The following MCPH1 variants were observed in gnomAD, a reference collection of about 807,000 sequenced individuals.
MCPH1 encodes microcephalin.
A neutral mutation model predicts 84.5 loss-of-function variants in MCPH1; 104 were observed. The ratio of observed to expected loss-of-function variants is 1.23; its 90% CI spans 1.05 to 1.45. MCPH1 has a LOEUF of 1.45. Ranked by LOEUF, MCPH1 falls within the 40% of genes most tolerant of loss-of-function variation. The pLI is 0.00. For synonymous variants in MCPH1, 514 were observed against 366.8 expected (o/e 1.40, Z -4.58); for missense variants, 1,498 against 1,005.7 (o/e 1.49, Z -6.62).
At chr8:6,517,366 A>T (rs1387655037) in intron 12 of MCPH1, among the ~76,000 whole-genome samples, 1 of 152,234 alleles carries the variant, frequency 6.6e-6, no homozygotes, top group African/African-American at 2.4e-5. Flanking sequence ...CAAACCATAG[A>T]GACAACCGTT....
At chr8:6,552,887 C>T (rs1823904951) in intron 12 of MCPH1, among the ~76,000 whole-genome samples, 1 of 151,892 alleles carries the variant, frequency 6.6e-6, no homozygotes, top group Admixed American at 6.6e-5. Flanking sequence ...ATGATTCCAA[C>T]TGTATGACAT....
chr8:6,430,753 C>T (rs1801725419), intron 3 of MCPH1, among the ~76,000 whole-genome samples: 1 of 152,084 alleles, frequency 6.6e-6, no homozygotes, highest in Non-Finnish European at 1.5e-5. Context: ...ATGCTCTAAA[C>T]ATGGGAGTGA....
intron 5 of MCPH1, among the ~76,000 whole-genome samples, chr8:6,437,835 C>A (rs138346914): frequency 2.6e-5 from 4 of 152,290 alleles, no homozygotes; most frequent in Admixed American, 6.5e-5. Flanking sequence ...TCCTTCCCTC[C>A]TCTCTCCCCT....
chr8:6,411,742 A>G (rs1798565257), intron 2 of MCPH1, among the ~76,000 whole-genome samples: 1 of 152,146 alleles, frequency 6.6e-6, no homozygotes, highest in South Asian at 2.1e-4. Context: ...ATAAAACTTC[A>G]TTGTATATGT....
At chr8:6,598,339 AG>A (rs1829084235) in intron 12 of MCPH1, among the ~76,000 whole-genome samples, 1 of 152,016 alleles carries the variant, frequency 6.6e-6, no homozygotes, top group Admixed American at 6.5e-5. Flanking sequence ...TCATGCAGGG[AG>A]GGGAGGGATT....
intron 12 of MCPH1, chr8:6,508,834 T>C (rs1423522421): frequency 6.6e-7 from 1 of 1,525,586 alleles, no homozygotes; most frequent in Admixed American, 1.7e-5. Flanking sequence ...ATTGTGGACA[T>C]CGTTACAAAT....
At chr8:6,581,661 T>C (rs1242017385) in intron 12 of MCPH1, among the ~76,000 whole-genome samples, 1 of 152,242 alleles carries the variant, frequency 6.6e-6, no homozygotes, top group African/African-American at 2.4e-5. Flanking sequence ...CTCATTTCCA[T>C]AGTCTTAGAG....
chr8:6,614,624 T>G (rs1183615253), intron 12 of MCPH1, among the ~76,000 whole-genome samples: 1 of 152,190 alleles, frequency 6.6e-6, no homozygotes, highest in Non-Finnish European at 1.5e-5. Context: ...TTATGAATAA[T>G]CAACGTGACT....
chr8:6,477,944 C>T (rs1808700664), intron 10 of MCPH1, among the ~76,000 whole-genome samples: 1 of 152,190 alleles, frequency 6.6e-6, no homozygotes, highest in Admixed American at 6.5e-5. Context: ...AAACATTTCC[C>T]TTAAAGGTCT....
chr8:6,436,821 T>A (rs1436970330), intron 5 of MCPH1, among the ~76,000 whole-genome samples: 3 of 151,808 alleles, frequency 2.0e-5, no homozygotes, highest in Non-Finnish European at 4.4e-5. Context: ...TACAAAAAAA[T>A]TAGCTGGGAG....
chr8:6,434,375 A>T (rs1198137225), intron 4 of MCPH1, among the ~76,000 whole-genome samples: 1 of 152,196 alleles, frequency 6.6e-6, no homozygotes, highest in Non-Finnish European at 1.5e-5. Flanking sequence ...AACAATGTTG[A>T]CAGGCCAGCA....
At chr8:6,625,904 C>T (rs1832027951) in intron 13 of MCPH1, 1 of 985,170 alleles carries the variant, frequency 1.0e-6, no homozygotes, top group Non-Finnish European at 1.2e-6. Context: ...TTTTTAGCCA[C>T]TAGGAACCTC....
intron 13 of MCPH1, among the ~76,000 whole-genome samples, chr8:6,633,561 G>A (rs946068316): frequency 6.6e-6 from 1 of 152,094 alleles, no homozygotes; most frequent in Non-Finnish European, 1.5e-5. Context: ...ATGTGACAGG[G>A]CATAGTCAAA....
chr8:6,633,430 T>G (rs191377911), intron 13 of MCPH1, among the ~76,000 whole-genome samples: 12 of 152,330 alleles, frequency 7.9e-5, no homozygotes, highest in Admixed American at 7.8e-4. Context: ...TAATAGTGGA[T>G]TCAAGGCTAG....
intron 3 of MCPH1, among the ~76,000 whole-genome samples, chr8:6,428,142 A>AT (rs1378065156): frequency 1.3e-5 from 2 of 152,026 alleles, no homozygotes; most frequent in Non-Finnish European, 2.9e-5. Context: ...AAACTTTGTA[A>AT]TTTTTTAAAT....
intron 12 of MCPH1, among the ~76,000 whole-genome samples, chr8:6,551,123 C>T (rs1333861015): frequency 3.3e-5 from 5 of 152,170 alleles, no homozygotes; most frequent in African/African-American, 4.8e-5. Context: ...GCCCCTGACT[C>T]GAAGCTGACC....
chr8:6,523,890 A>ATTT (rs367933701), intron 12 of MCPH1, among the ~76,000 whole-genome samples: 3 of 144,040 alleles, frequency 2.1e-5, no homozygotes, highest in African/African-American at 7.6e-5. Flanking sequence ...CCTGGCTGGC[A>ATTT]TTTTTTTTTT....
At chr8:6,585,794 C>T (rs1186908204) in intron 12 of MCPH1, among the ~76,000 whole-genome samples, 1 of 152,154 alleles carries the variant, frequency 6.6e-6, no homozygotes, top group African/African-American at 2.4e-5. Flanking sequence ...CATGACCCAC[C>T]ATCCCATGAC....
intron 4 of MCPH1, among the ~76,000 whole-genome samples, chr8:6,434,618 C>T (rs996559783): frequency 6.6e-6 from 1 of 152,176 alleles, no homozygotes; most frequent in East Asian, 1.9e-4. Flanking sequence ...GCAAGACCAG[C>T]GCCTGACATA....
Sources: gnomAD v4.1 joint callset for allele counts (sites outside exome capture counted in the v4.1 genomes callset) on GRCh38, gnomAD v4.1.1 for gene constraint, MANE v1.5 for transcripts, NCBI Gene and HGNC (gene_info 2026-07-23, HGNC 2026-07-21) for gene names.